The following ELP4 variants were observed in gnomAD, a reference collection of about 807,000 sequenced individuals.
ELP4 encodes the protein elongator complex protein 4.
A neutral mutation model predicts 48.9 loss-of-function variants in ELP4; 51 were observed. The observed-to-expected ratio is 1.04, with a 90% confidence interval of 0.83 to 1.32. The LOEUF (loss-of-function observed/expected upper bound fraction) is 1.32, where lower values mean the gene tolerates loss of function less well. ELP4 is among the 40% of genes most tolerant of loss of function. The pLI is 0.00. For synonymous variants in ELP4, 210 were observed against 189.2 expected (o/e 1.11, Z -0.90); for missense variants, 519 against 514.6 (o/e 1.01, Z -0.08).
chr11:31,706,985 T>G (rs1946647237), intron 9 of ELP4: 1 of 398,342 alleles, frequency 2.5e-6, no homozygotes, highest in Admixed American at 4.4e-5. Flanking sequence ...CATCTTTTTT[T>G]GGACACCTAG....
At chr11:31,543,133 G>A (rs973145472) in intron 3 of ELP4, among the ~76,000 whole-genome samples, 16 of 152,246 alleles carry the variant, frequency 1.1e-4, no homozygotes, top group African/African-American at 3.8e-4. Context: ...AAAGATTTTT[G>A]CATTAGTGAG....
intron 9 of ELP4, among the ~76,000 whole-genome samples, chr11:31,728,494 G>A (rs1472645680): frequency 6.6e-6 from 1 of 152,074 alleles, no homozygotes; most frequent in Non-Finnish European, 1.5e-5. Flanking sequence ...TTTTTAAAAA[G>A]TAATACCCCA....
chr11:31,598,482 CT>C (rs1182190041), intron 4 of ELP4, among the ~76,000 whole-genome samples: 244 of 126,900 alleles, frequency 1.9e-3, no homozygotes, highest in African/African-American at 6.4e-3. Flanking sequence ...TACACTTTTC[CT>C]TTTTTTTTCT....
chr11:31,550,022 T>C (rs1956815334), intron 3 of ELP4, among the ~76,000 whole-genome samples: 1 of 152,000 alleles, frequency 6.6e-6, no homozygotes, highest in Non-Finnish European at 1.5e-5. Context: ...CATTGGGAGA[T>C]ATACCTAATG....
At position 31,656,893 on chromosome 11, in the gene ELP4, A is replaced by G. The variant is rs192537154; in HGVS notation, c.1143+6672A>G. 2.0e-5 allele frequency among the ~76,000 whole-genome samples: 3 copies of G among 152,208 alleles called. No individual in the cohort carries two copies. The East Asian group carries it at 5.8e-4, about 29-fold the overall frequency. Reference sequence around the variant, plus strand: ...AAGATTTTCTTCAAGACTTTGTAGAACTGCTGTAGCGGAATTAGTCCAGTT... The same window carrying G: ...AAGATTTTCTTCAAGACTTTGTAGAGCTGCTGTAGCGGAATTAGTCCAGTT... On this transcript the variant is annotated intron_variant, in intron 9 of 9. Coordinates refer to ENST00000640961, the MANE Select transcript of ELP4 (RefSeq NM_019040.5).
At chr11:31,746,238 A>G (rs888027085) in intron 9 of ELP4, among the ~76,000 whole-genome samples, 13 of 151,070 alleles carry the variant, frequency 8.6e-5, no homozygotes, top group Admixed American at 6.6e-4. Context: ...TCAGGAAATA[A>G]CAGGTGTTGG....
chr11:31,717,788 T>C (rs1946871627), intron 9 of ELP4, among the ~76,000 whole-genome samples: 1 of 152,072 alleles, frequency 6.6e-6, no homozygotes, highest in Admixed American at 6.6e-5. Context: ...TTTGATAACA[T>C]TTCAGTGAAG....
intron 9 of ELP4, among the ~76,000 whole-genome samples, chr11:31,702,188 A>G (rs1036353650): frequency 3.9e-5 from 6 of 152,138 alleles, no homozygotes; most frequent in Admixed American, 3.9e-4. Flanking sequence ...CACCTGACCC[A>G]GCTACTCAGG....
At chr11:31,517,968 A>T (rs1447001363) in intron 1 of ELP4, among the ~76,000 whole-genome samples, 4 of 152,152 alleles carry the variant, frequency 2.6e-5, no homozygotes, top group Admixed American at 6.5e-5. Context: ...CTACTCTTTG[A>T]TACTCATTTT....
At chr11:31,746,822 G>A (rs1480836043) in intron 9 of ELP4, among the ~76,000 whole-genome samples, 1 of 151,826 alleles carries the variant, frequency 6.6e-6, no homozygotes, top group East Asian at 1.9e-4. Context: ...ACACCAACAT[G>A]GCACACGTAT....
chr11:31,668,312 T>C (rs1945722718), intron 9 of ELP4, among the ~76,000 whole-genome samples: 1 of 152,150 alleles, frequency 6.6e-6, no homozygotes, highest in South Asian at 2.1e-4. Context: ...ACAATTATCC[T>C]GAAAAATGCC....
intron 9 of ELP4, among the ~76,000 whole-genome samples, chr11:31,665,449 A>G (rs1276940019): frequency 6.6e-6 from 1 of 152,104 alleles, no homozygotes; most frequent in Non-Finnish European, 1.5e-5. Context: ...TTCTACCATT[A>G]CAAGTACTTC....
chr11:31,679,312 T>C (rs1016064630), intron 9 of ELP4, among the ~76,000 whole-genome samples: 2 of 152,212 alleles, frequency 1.3e-5, no homozygotes, highest in Non-Finnish European at 2.9e-5. Flanking sequence ...CTTTATATTA[T>C]ATCTTGAAGT....
intron 3 of ELP4, among the ~76,000 whole-genome samples, chr11:31,585,535 A>G (rs996498952): frequency 1.3e-5 from 2 of 152,182 alleles, no homozygotes; most frequent in African/African-American, 4.8e-5. Flanking sequence ...GTCAAGCTTT[A>G]ACTGGAAGAA....
intron 9 of ELP4, among the ~76,000 whole-genome samples, chr11:31,695,534 TTGATGTGCTGC>T (rs1946383799): frequency 6.6e-6 from 1 of 151,498 alleles, no homozygotes; most frequent in East Asian, 1.9e-4. Flanking sequence ...TATAAGCTTT[TTGATGTGCTGC>T]TGGATTTGGT....
At chr11:31,599,396 G>A (rs1467794066) in intron 4 of ELP4, 2 of 151,614 alleles carry the variant, frequency 1.3e-5, no homozygotes, top group African/African-American at 4.9e-5. Flanking sequence ...TATATGTAAT[G>A]ATTTGCCAAG....
chr11:31,728,409 A>G (rs1216938073), intron 9 of ELP4, among the ~76,000 whole-genome samples: 1 of 152,202 alleles, frequency 6.6e-6, no homozygotes, highest in Non-Finnish European at 1.5e-5. Context: ...TTTCAAGTAT[A>G]TAGATACTAT....
chr11:31,779,179 T>C (rs965345265), intron 9 of ELP4, among the ~76,000 whole-genome samples: 1 of 152,248 alleles, frequency 6.6e-6, no homozygotes, highest in African/African-American at 2.4e-5. Flanking sequence ...AGTCATCTGC[T>C]AAGGGTCAAA....
Position 31,783,666 on chromosome 11 carries a change from C to T in ELP4, c.*142C>T. 1.3e-6 allele frequency: 1 copy of T among 772,698 alleles called. No homozygotes were observed. The highest frequency in any genetic ancestry group is 1.9e-6 in the Non-Finnish European group (1 of 516,296). 47.9% of individuals were successfully genotyped at this position (772,698 alleles called of 1,614,324 possible). Reference sequence around the variant, plus strand: ...ATTATAAAATGGTGCCGCCATTTCTCATTTTTTAACTTTTTACAGAACTAG... The same window carrying T: ...ATTATAAAATGGTGCCGCCATTTCTTATTTTTTAACTTTTTACAGAACTAG... On this transcript the variant is annotated 3_prime_UTR_variant, in exon 10 of 10. Coordinates refer to ENST00000640961, the MANE Select transcript of ELP4 (RefSeq NM_019040.5).
Sources: gnomAD v4.1 joint callset for allele counts (sites outside exome capture counted in the v4.1 genomes callset) on GRCh38, gnomAD v4.1.1 for gene constraint, MANE v1.5 for transcripts, NCBI Gene and HGNC (gene_info 2026-07-23, HGNC 2026-07-21) for gene names.